ZSWIM9: variants seen among roughly 807,000 people sequenced by gnomAD.
The protein encoded by ZSWIM9 is uncharacterized protein ZSWIM9.
A neutral mutation model predicts 25.0 loss-of-function variants in ZSWIM9; 11 were observed. The observed-to-expected ratio is 0.44, with a 90% CI of 0.28 to 0.73. The LOEUF is 0.73. ZSWIM9 is among the 30% of genes least tolerant of loss of function. The pLI, the probability that ZSWIM9 is intolerant of heterozygous loss-of-function variation, is 0.16. For synonymous variants in ZSWIM9, 562 were observed against 582.1 expected, an observed-to-expected ratio of 0.97 and a Z score of 0.50; for missense variants, 1,070 against 1,296.5, an observed-to-expected ratio of 0.83 and a Z score of 2.68.
chr19:48,171,736 G>A (rs1281454251), intron 1 of ZSWIM9, 58 bp from the exon 2 acceptor site: 6 of 1,454,256 alleles, frequency 4.1e-6, no homozygotes, highest in African/African-American at 1.4e-5. Context: ...TGGAGTAGAT[G>A]AGATACCCCG....
In ZSWIM9 at chr19:48,196,575, G is replaced by C; in HGVS notation, c.2511G>C (p.Leu837=). ...CCTGCGGGCCAGAGCTGGCAGACCT[G>C]GTGGCTGAGGAGTTGGCCTTTGCTA... ...RAACGPELAD[L]VAEELAFARQ... Residue 837 remains leucine, a synonymous_variant, in exon 4 of 4, where the codon CTG becomes CTC. Transcript: ENST00000614654. 3.2e-6 allele frequency: 4 copies of C among 1,232,560 alleles called. No individual in the cohort carries two copies. The highest frequency in any genetic ancestry group is 4.0e-6 in the Non-Finnish European group (4 of 988,314). 76.4% of individuals were successfully genotyped at this position (1,232,560 alleles called of 1,614,324 possible).
chr19:48,192,475 A>T (rs1190233003), intron 3 of ZSWIM9, among the ~76,000 whole-genome samples: 1 of 34,430 alleles, frequency 2.9e-5, no homozygotes, highest in African/African-American at 9.4e-5. Context: ...AAAAAAAAAA[A>T]AAAAAATATA....
At chr19:48,174,244 C>G (rs1430995460) in intron 2 of ZSWIM9, among the ~76,000 whole-genome samples, 1 of 152,020 alleles carries the variant, frequency 6.6e-6, no homozygotes, top group Non-Finnish European at 1.5e-5. Context: ...TCCACGACTT[C>G]CTGGATGGGT....
At chr19:48,176,456 A>G (rs1437094925) in intron 2 of ZSWIM9, among the ~76,000 whole-genome samples, 3 of 152,146 alleles carry the variant, frequency 2.0e-5, no homozygotes, top group Non-Finnish European at 4.4e-5. Flanking sequence ...TGTTCCCAGG[A>G]TAACACAGCA....
At chr19:48,171,008 C>T (rs1464321138) in intron 1 of ZSWIM9, among the ~76,000 whole-genome samples, 2 of 152,058 alleles carry the variant, frequency 1.3e-5, no homozygotes, top group African/African-American at 4.8e-5. Context: ...GGGGCCGCAT[C>T]TGAGGAGGAG....
chr19:48,189,203 A>G (rs1183319355), intron 3 of ZSWIM9, among the ~76,000 whole-genome samples: 6 of 152,158 alleles, frequency 3.9e-5, no homozygotes, highest in Non-Finnish European at 7.4e-5. Context: ...AAGGTTAATC[A>G]TTGTTGTTTG....
At position 48,172,076 on chromosome 19, in the gene ZSWIM9, G is replaced by A; in HGVS notation, c.274G>A (p.Gly92Arg). 4 of 1,517,530 alleles carry A rather than the reference G, an allele frequency of 2.6e-6. No homozygotes were observed. The highest frequency in any genetic ancestry group is 3.5e-6 in the Non-Finnish European group (4 of 1,133,606). 94.0% of individuals were successfully genotyped at this position (1,517,530 alleles called of 1,614,324 possible). A position where few individuals can be genotyped will look rare whatever the true frequency, so the allele number is the denominator to read the frequency against. ...GCGTGCGCCCAGCCGGCCCGCCGTG[G>A]GGTGCGTGAACCTGAGCCGCTGTCC... ...DVRAPSRPAVGPPQPGCPAFI... is the reference protein window; with the variant it reads ...DVRAPSRPAVRPPQPGCPAFI... Residue 92 changes from glycine to arginine, a missense_variant and splice_region_variant, in exon 2 of 4, where the codon GGG (glycine) becomes AGG (arginine). Transcript: ENST00000614654.
intron 2 of ZSWIM9, among the ~76,000 whole-genome samples, chr19:48,173,147 C>T (rs1170987489): frequency 6.6e-6 from 1 of 152,162 alleles, no homozygotes; most frequent in Non-Finnish European, 1.5e-5. Flanking sequence ...CCTTCTGGTA[C>T]TTTCTGACTG....
chr19:48,171,714 G>A, intron 1 of ZSWIM9, 80 bp from the exon 2 acceptor site: 1 of 1,368,098 alleles, frequency 7.3e-7, no homozygotes, highest in Non-Finnish European at 9.7e-7. Flanking sequence ...AACCGACGGG[G>A]CAGGCCAAGA....
At chr19:48,192,362 A>T (rs955795349) in intron 3 of ZSWIM9, among the ~76,000 whole-genome samples, 5 of 146,874 alleles carry the variant, frequency 3.4e-5, no homozygotes, top group Non-Finnish European at 6.0e-5. Context: ...AGGAGGAAGA[A>T]TCGCTTGAAC....
At position 48,195,007 on chromosome 19, in the gene ZSWIM9, C is replaced by T; in HGVS notation, c.943C>T (p.Gln315Ter). The change falls in exon 4 of 4, where the codon CAG becomes TAG. Residue 315 changes from glutamine to a stop codon, truncating the protein, a stop_gained. Coordinates refer to ENST00000614654, the MANE Select transcript of ZSWIM9 (RefSeq NM_199341.4). LOFTEE classifies it low-confidence loss of function (END_TRUNC). The surrounding 1 kb of genome is among the most constrained non-coding windows in gnomAD (Gnocchi z 5.8). ...CCAGCTGCTGCCCTGCGCGCGCGTG[C>T]AGATCTGCCGCGCGCAGGGCCTGGA... ...VRQLLPCARVQICRAQGLETL... is the reference protein window; with the variant it reads ...VRQLLPCARV 2 of 1,355,856 alleles carry T rather than the reference C, an allele frequency of 1.5e-6. No homozygotes were observed. Among genetic ancestry groups the T allele is most frequent in the Non-Finnish European group, 1.9e-6 (2 of 1,061,614 alleles). 84.0% of individuals were successfully genotyped at this position (1,355,856 alleles called of 1,614,324 possible). A position where few individuals can be genotyped will look rare whatever the true frequency, so the allele number is the denominator to read the frequency against.
rs1205039946 is a variant in ZSWIM9, at chr19:48,171,806, G to A, written c.4G>A (p.Glu2Lys). 2 of 1,531,620 alleles carry A rather than the reference G, an allele frequency of 1.3e-6. No homozygotes were observed. The highest frequency in any genetic ancestry group is 2.0e-5 in the Admixed American group (1 of 50,728). The allele number at this position is 1,531,620 out of a possible 1,614,324, so 94.9% of individuals were successfully genotyped here. A position where few individuals can be genotyped will look rare whatever the true frequency, so the allele number is the denominator to read the frequency against. Residue 2 changes from glutamate (E) to lysine (K), a missense_variant, in exon 2 of 4, where the codon GAG becomes AAG. Physicochemically the swap from Glu to Lys is moderately conservative, Grantham distance 56 (BLOSUM62 1). Transcript: ENST00000614654. ...CTCCTCCACGCAGGCCCCCAGGATG[G>A]AGCGGCCGGAGCCCCCACCCGGCAC... Reference protein sequence around the residue: MERPEPPPGTAA... With the variant: MKRPEPPPGTAA...
At chr19:48,192,490 T>TAG (rs2037107851) in intron 3 of ZSWIM9, among the ~76,000 whole-genome samples, 1 of 40,892 alleles carries the variant, frequency 2.4e-5, no homozygotes, top group African/African-American at 6.7e-5. Flanking sequence ...AATATATATA[T>TAG]ATATATATAC....
At position 48,194,825 on chromosome 19, in the gene ZSWIM9, G is replaced by A. The variant is rs1294328865; in HGVS notation, c.761G>A (p.Arg254His). ...GTGCTGTGCGTGGACGGCTCGGGCC[G>A]TGCGCGCCAGGCTGCCTGCTGCGTG... Reference protein sequence around the residue: ...LAVLCVDGSGRARQAACCVAR... With the variant: ...LAVLCVDGSGHARQAACCVAR... Residue 254 changes from arginine to histidine, a missense_variant, in exon 4 of 4, where the codon CGT becomes CAT. By Grantham distance (29) the Arg-to-His change is conservative. Coordinates refer to ENST00000614654, the MANE Select transcript of ZSWIM9 (RefSeq NM_199341.4). The surrounding 1 kb of genome is among the most constrained non-coding windows in gnomAD (Gnocchi z 6.0). The A allele has an allele frequency of 8.3e-6, 12 of 1,450,404 alleles. 1 individual carries two copies. The highest frequency in any genetic ancestry group is 1.1e-5 in the Non-Finnish European group (12 of 1,109,136). The allele number at this position is 1,450,404 out of a possible 1,614,324, so 89.8% of individuals were successfully genotyped here. A position where few individuals can be genotyped will look rare whatever the true frequency, so the allele number is the denominator to read the frequency against.
chr19:48,187,219 T>A (rs1025272244), intron 3 of ZSWIM9, among the ~76,000 whole-genome samples: 13 of 147,968 alleles, frequency 8.8e-5, no homozygotes, highest in African/African-American at 3.0e-4. Context: ...AAAGCCATTT[T>A]AAAAAAAAGA....
In ZSWIM9 at chr19:48,192,496, T is replaced by C. The variant is rs201132588; in HGVS notation, c.589-2157T>C. 1.3e-3 allele frequency among the ~76,000 whole-genome samples: 34 copies of C among 25,542 alleles called. 2 individuals are homozygous for C. The highest frequency in any genetic ancestry group is 2.2e-3 in the Non-Finnish European group (24 of 10,790). 16.8% of individuals were successfully genotyped at this position (25,542 alleles called of 152,430 possible). A position where few individuals can be genotyped will look rare whatever the true frequency, so the allele number is the denominator to read the frequency against. On this transcript the variant is annotated intron_variant, in intron 3 of 3. Coordinates refer to ENST00000614654, the MANE Select transcript of ZSWIM9 (RefSeq NM_199341.4). ...AAAAAAAAAAATATATATATATATATATACACACACACACACACACACATT... is the reference window on the plus strand; with the variant it reads ...AAAAAAAAAAATATATATATATATACATACACACACACACACACACACATT...
chr19:48,187,535 T>TA (rs2037038267), intron 3 of ZSWIM9: 6 of 36,636 alleles, frequency 1.6e-4, no homozygotes, highest in Non-Finnish European at 3.2e-4. Context: ...TATTATATTA[T>TA]TATTATATTA....
Position 48,196,018 on chromosome 19 carries a change from G to T in ZSWIM9, c.1954G>T (p.Val652Leu). ...AGAATGGAAGGGGCCACAGTCAGAA[G>T]TAGAGAAGGGGAGGGGGCTGGAGGT... ...TAEWKGPQSE[V>L]EKGRGLEVRN... Residue 652 changes from valine (V) to leucine (L), a missense_variant, in exon 4 of 4, where the codon GTA becomes TTA. Transcript: ENST00000614654. 7.8e-7 allele frequency: 1 copy of T among 1,275,298 alleles called. No homozygotes were observed. The highest frequency in any genetic ancestry group is 9.9e-7 in the Non-Finnish European group (1 of 1,013,056). The allele number at this position is 1,275,298 out of a possible 1,614,324, so 79.0% of individuals were successfully genotyped here. A position where few individuals can be genotyped will look rare whatever the true frequency, so the allele number is the denominator to read the frequency against.
intron 2 of ZSWIM9, among the ~76,000 whole-genome samples, chr19:48,175,613 C>T (rs2036884492): frequency 2.0e-5 from 3 of 151,852 alleles, no homozygotes; most frequent in Non-Finnish European, 4.4e-5. Flanking sequence ...GAGGAAGATC[C>T]CTCTGGGGCC....
Sources: allele counts gnomAD v4.1 joint callset (sites outside exome capture counted in the v4.1 genomes callset), GRCh38; gene constraint gnomAD v4.1.1; non-coding constraint Gnocchi (gnomAD v3.1); transcripts MANE v1.5; gene names NCBI Gene and HGNC (gene_info 2026-07-23, HGNC 2026-07-21).